Variants in LRRC56 observed in about 807,000 individuals in gnomAD.
The protein encoded by LRRC56 is leucine rich repeat containing 56, also known as leucine-rich repeat-containing protein 56.
A neutral mutation model predicts 47.8 loss-of-function variants in LRRC56; 41 were observed. That is an observed-to-expected ratio of 0.86 (90% CI 0.67 to 1.11). The LOEUF is 1.11. LRRC56 is among the 50% of genes most tolerant of loss of function. The probability of loss-of-function intolerance (pLI) is 0.00; values close to 1 mark genes in which losing one functional copy is unlikely to be tolerated. For missense variants in LRRC56, 759 were observed against 704.2 expected, an observed-to-expected ratio of 1.08 and a Z score of -0.88; for synonymous variants, 387 against 311.2, an observed-to-expected ratio of 1.24 and a Z score of -2.56.
At chr11:538,076 G>A (rs1169055438) in intron 1 of LRRC56, among the ~76,000 whole-genome samples, 2 of 152,194 alleles carry the variant, frequency 1.3e-5, no homozygotes, top group African/African-American at 4.8e-5. Flanking sequence ...GTGGGAGCAG[G>A]GCCGTGAAGT....
chr11:541,610 G>A lies in LRRC56; in HGVS notation c.251G>A (p.Ser84Asn), dbSNP rs762082968. The A allele has an allele frequency of 3.2e-6, 5 of 1,577,066 alleles. No individual in the cohort carries two copies. The South Asian group carries it at 5.8e-5, about 18-fold the overall frequency. ...ATGTGTGTGGACACTCGTGAGGGCAGCCTGGGGAACTTTGGTGAGCCTCTT... is the reference window on the plus strand; with the variant it reads ...ATGTGTGTGGACACTCGTGAGGGCAACCTGGGGAACTTTGGTGAGCCTCTT... ...LEMCVDTREG[S>N]LGNFGVHLPN... Residue 84 changes from serine to asparagine, a missense_variant, in exon 5 of 14, where the codon AGC becomes AAC. Ser to Asn is a conservative substitution (Grantham distance 46). Transcript: ENST00000270115. This position sits in a 1 kb window ranked among gnomAD's most constrained non-coding sequence, Gnocchi z 4.1.
At chr11:513,965 TTC>T in the LRRC56 span, among the ~76,000 whole-genome samples, 6 of 152,136 alleles carry the variant, frequency 3.9e-5, no homozygotes, top group Non-Finnish European at 8.8e-5. Context: ...TGCTGGCACT[TTC>T]TATCAGTATC....
chr11:542,838 T>C (rs1258765969), intron 5 of LRRC56, among the ~76,000 whole-genome samples: 2 of 152,284 alleles, frequency 1.3e-5, no homozygotes, highest in East Asian at 1.9e-4. Context: ...GAATTACACC[T>C]GTACATGACT....
At chr11:542,469 A>G (rs1011565872) in intron 5 of LRRC56, among the ~76,000 whole-genome samples, 2 of 150,378 alleles carry the variant, frequency 1.3e-5, no homozygotes, top group African/African-American at 4.9e-5. Flanking sequence ...TTAGACAGGC[A>G]TGATGGCACC....
chr11:536,120 C>T (rs1244152824), upstream of LRRC56, among the ~76,000 whole-genome samples: 1 of 152,256 alleles, frequency 6.6e-6, no homozygotes, highest in African/African-American at 2.4e-5. Context: ...CCCAGCTCCC[C>T]TACTCCCACC....
At chr11:524,572 A>T in the LRRC56 span, among the ~76,000 whole-genome samples, 1 of 152,104 alleles carries the variant, frequency 6.6e-6, no homozygotes, top group Non-Finnish European at 1.5e-5. Context: ...CGGAGGTTGT[A>T]GTAAGCCGAG....
intron 1 of LRRC56, 55 bp from the exon 2 acceptor site, chr11:538,543 A>G (rs1363250820): frequency 6.6e-6 from 1 of 152,370 alleles, no homozygotes; most frequent in Non-Finnish European, 1.5e-5. Context: ...TGAGGCACCC[A>G]GAGCCTGAGC....
rs775163970 is a variant in LRRC56 at position 550,137 on chromosome 11, G to T, written c.489G>T (p.Glu163Asp). Reference sequence around the variant, plus strand: ...CACTGTGCCTGCTGGAACAATTGGAGGTGCTGGACCTGGAGGGCAACAGCG... The same window carrying T: ...CACTGTGCCTGCTGGAACAATTGGATGTGCTGGACCTGGAGGGCAACAGCG... Reference protein sequence around the residue: ...LSPLCLLEQLEVLDLEGNSVE... With the variant: ...LSPLCLLEQLDVLDLEGNSVE... The change falls in exon 8 of 14, where the codon GAG becomes GAT. Residue 163 changes from glutamate to aspartate, a missense_variant. Glu to Asp is a conservative substitution (Grantham distance 45). Transcript: ENST00000270115. The T allele has an allele frequency of 1.9e-6, 3 of 1,613,546 alleles. No individual in the cohort carries two copies. Among genetic ancestry groups the T allele is most frequent in the Non-Finnish European group, 2.5e-6 (3 of 1,179,898 alleles).
chr11:531,747 G>A, the LRRC56 span, among the ~76,000 whole-genome samples: 2 of 152,224 alleles, frequency 1.3e-5, no homozygotes, highest in Non-Finnish European at 1.5e-5. Flanking sequence ...GTCGGTGCTG[G>A]AGCCCTACTT....
At chr11:511,754 C>T in the LRRC56 span, among the ~76,000 whole-genome samples, 1 of 152,340 alleles carries the variant, frequency 6.6e-6, no homozygotes, top group African/African-American at 2.4e-5. Context: ...CTCCTTCCCT[C>T]CTGCACGGAG....
chr11:511,080 G>A, the LRRC56 span, among the ~76,000 whole-genome samples: 1 of 152,166 alleles, frequency 6.6e-6, no homozygotes, highest in African/African-American at 2.4e-5. Flanking sequence ...CCAGCACTTT[G>A]GGAGGCCGAG....
In LRRC56 at chr11:554,291, C is replaced by T. The variant is rs1852633322; in HGVS notation, c.*15C>T. The T allele has an allele frequency of 1.4e-6, 2 of 1,475,230 alleles. 1 individual carries two copies. Among genetic ancestry groups the T allele is most frequent in the South Asian group, 2.8e-5 (2 of 72,610 alleles). The allele number at this position is 1,475,230 out of a possible 1,614,324, so 91.4% of individuals were successfully genotyped here. The stretch of plus-strand genomic sequence containing the variant: ...TCCCCACTTAATATAGCCCCCACTG[C>T]CAGGCTTCCCTGTGCTGGGGCCACG... On this transcript the variant is annotated 3_prime_UTR_variant, in exon 14 of 14. Transcript: ENST00000270115.
chr11:529,151 C>T, the LRRC56 span: 1 of 152,446 alleles, frequency 6.6e-6, no homozygotes, highest in South Asian at 2.1e-4. Flanking sequence ...CGCCATTTGA[C>T]AGGCGAGACG....
intron 4 of LRRC56, 81 bp downstream of exon 4, chr11:540,942 G>T: frequency 8.3e-7 from 1 of 1,198,344 alleles, no homozygotes; most frequent in Non-Finnish European, 1.1e-6. Context: ...TGATGGTCCA[G>T]CCTGCCCTCT....
At chr11:509,649 G>A in the LRRC56 span, among the ~76,000 whole-genome samples, 8 of 151,900 alleles carry the variant, frequency 5.3e-5, no homozygotes, top group African/African-American at 1.7e-4. Context: ...CCAGGTTCAA[G>A]CCATTCTCCT....
Position 541,431 on chromosome 11 carries a change from C to T in LRRC56, c.178-106C>T, listed in dbSNP as rs1228280849. ...CAACATGGCCCAGGCAGGGAAACGT[C>T]GGTGCCTGCTCCAGCGGGAGCCCCA... On this transcript the variant is annotated intron_variant, in intron 4 of 13. Transcript: ENST00000270115. This position sits in a 1 kb window ranked among gnomAD's most constrained non-coding sequence, Gnocchi z 4.1. 3 of 582,074 alleles carry T rather than the reference C, an allele frequency of 5.2e-6. No individual in the cohort carries two copies. Among genetic ancestry groups the T allele is most frequent in the Middle Eastern group, 2.8e-4 (1 of 3,604 alleles). The allele number at this position is 582,074 out of a possible 1,614,324, so 36.1% of individuals were successfully genotyped here.
the LRRC56 span, among the ~76,000 whole-genome samples, chr11:510,107 A>C: frequency 1.3e-5 from 2 of 151,200 alleles, no homozygotes; most frequent in Non-Finnish European, 3.0e-5. Context: ...CAGCCCCACC[A>C]GCCTACACGT....
At chr11:552,477 C>T (rs1445638261) in intron 12 of LRRC56, 92 bp from the exon 13 acceptor site, 3 of 1,286,708 alleles carry the variant, frequency 2.3e-6, no homozygotes, top group Admixed American at 4.4e-5. Flanking sequence ...TTGGCTGAGT[C>T]ATCCCCAGTC....
intron 6 of LRRC56, among the ~76,000 whole-genome samples, chr11:548,211 A>G (rs1273825971): frequency 6.6e-6 from 1 of 152,252 alleles, no homozygotes; most frequent in Non-Finnish European, 1.5e-5. Context: ...TTGGCACTGA[A>G]ACATATCCTA....
Sources: allele counts gnomAD v4.1 joint callset (sites outside exome capture counted in the v4.1 genomes callset), GRCh38; gene constraint gnomAD v4.1.1; non-coding constraint Gnocchi (gnomAD v3.1); transcripts MANE v1.5; gene names NCBI Gene and HGNC (gene_info 2026-07-23, HGNC 2026-07-21).